The following MBD5 variants were observed in gnomAD, a reference collection of about 807,000 sequenced individuals.
MBD5 encodes the protein methyl-CpG-binding domain protein 5.
A neutral mutation model predicts 117.3 loss-of-function variants in MBD5; 13 were observed. The ratio of observed to expected loss-of-function variants is 0.11; its 90% CI spans 0.07 to 0.18. MBD5 has a LOEUF of 0.18. Among genes scored for constraint, MBD5 ranks in the 10% least tolerant of loss-of-function variants. The probability of loss-of-function intolerance (pLI) is 1.00; values close to 1 mark genes in which losing one functional copy is unlikely to be tolerated. For missense variants in MBD5, 1,879 were observed against 2,093.8 expected (o/e 0.90, Z 2.00); for synonymous variants, 727 against 766.4 (o/e 0.95, Z 0.85).
At chr2:148,386,413 A>G (rs1490271776) in intron 4 of MBD5, among the ~76,000 whole-genome samples, 1 of 152,208 alleles carries the variant, frequency 6.6e-6, no homozygotes, top group Non-Finnish European at 1.5e-5. Context: ...TAGACATTTA[A>G]AAGATAAGAA....
chr2:148,214,600 C>A (rs982571886), intron 2 of MBD5, among the ~76,000 whole-genome samples: 68 of 152,174 alleles, frequency 4.5e-4, no homozygotes, highest in African/African-American at 1.5e-3. Context: ...TGAGCTTATG[C>A]CTGATAACCA....
rs1283870065 is a variant in MBD5, at chr2:148,468,979, C to A, written c.1036C>A (p.Leu346Ile). 6.2e-7 allele frequency: 1 copy of A among 1,613,710 alleles called. No homozygotes were observed. Among genetic ancestry groups the A allele is most frequent in the Admixed American group, 1.7e-5 (1 of 59,966 alleles). The change falls in exon 8 of 14, where the codon CTT (leucine) becomes ATT (isoleucine). Residue 346 changes from leucine to isoleucine, a missense_variant. Leu to Ile is a conservative substitution (Grantham distance 5). Transcript: ENST00000642680. ...TCCCCCTCCTCCACCTTCTTGTGCT[C>A]TTCAGAAAAAGCCATTAACATCTGA... Reference protein sequence around the residue: ...PPPPPPPSCALQKKPLTSEKD... With the variant: ...PPPPPPPSCAIQKKPLTSEKD...
chr2:148,151,665 C>T, intron 1 of MBD5, among the ~76,000 whole-genome samples: 1 of 152,042 alleles, frequency 6.6e-6, no homozygotes, highest in Non-Finnish European at 1.5e-5. Context: ...CTGGTTTAGT[C>T]TTGGGAGAGT....
At chr2:148,188,204 G>C (rs1020506289) in intron 2 of MBD5, among the ~76,000 whole-genome samples, 1 of 152,140 alleles carries the variant, frequency 6.6e-6, no homozygotes, top group African/African-American at 2.4e-5. Context: ...TTCAAAATTT[G>C]AATGAATTCT....
Position 148,060,378 on chromosome 2 carries a change from TAAAA to T in MBD5, c.-925+38702_-925+38705del, listed in dbSNP as rs1214506628. 4.8e-5 allele frequency among the ~76,000 whole-genome samples: 7 copies of T among 145,196 alleles called. No individual in the cohort carries two copies. In the East Asian group the frequency reaches 1.2e-3, roughly 25 times the overall value. ...ATATATCTTTTAATTGTATGTTTTGTAAAAAAAAAAAGAACAAATTTTATCATAC... is the reference window on the plus strand; with the variant it reads ...ATATATCTTTTAATTGTATGTTTTGTAAAAAAAGAACAAATTTTATCATAC... On this transcript the variant is annotated intron_variant, in intron 1 of 13. Coordinates refer to ENST00000642680, the MANE Select transcript of MBD5 (RefSeq NM_001378120.1).
chr2:148,064,450 A>G (rs1695129830), intron 1 of MBD5, among the ~76,000 whole-genome samples: 1 of 152,104 alleles, frequency 6.6e-6, no homozygotes. Flanking sequence ...CACTACACAA[A>G]GATTCTTTCC....
In MBD5 at chr2:148,197,794, G is replaced by GTTT. The variant is rs56029734; in HGVS notation, c.-831+19010_-831+19012dup. 2.8e-3 allele frequency among the ~76,000 whole-genome samples: 292 copies of GTTT among 102,534 alleles called. 3 individuals are homozygous for GTTT. In the South Asian group the frequency reaches 0.036, roughly 13 times the overall value. The allele number at this position is 102,534 out of a possible 152,430, so 67.3% of individuals were successfully genotyped here. A position where few individuals can be genotyped will look rare whatever the true frequency, so the allele number is the denominator to read the frequency against. Reference sequence around the variant, plus strand: ...GAATTACTGTGTCATAGCATCTGAGGTTTTTTTTTTTGTTTTTTTTTTTGT... The same window carrying GTTT: ...GAATTACTGTGTCATAGCATCTGAGGTTTTTTTTTTTTTTGTTTTTTTTTTTGT... On this transcript the variant is annotated intron_variant, in intron 2 of 13. Transcript: ENST00000642680.
At chr2:148,346,943 C>T (rs748238955) in intron 4 of MBD5, 1 of 151,632 alleles carries the variant, frequency 6.6e-6, no homozygotes, top group Non-Finnish European at 1.5e-5. Context: ...ATAAAATGAA[C>T]CCCAATGTAC....
intron 3 of MBD5, among the ~76,000 whole-genome samples, chr2:148,285,429 A>G (rs1701347618): frequency 6.6e-6 from 1 of 152,234 alleles, no homozygotes; most frequent in Admixed American, 6.5e-5. Flanking sequence ...ATACTAAAAG[A>G]AAGAATGATA....
intron 4 of MBD5, among the ~76,000 whole-genome samples, chr2:148,411,762 AG>A (rs1345394869): frequency 1.3e-5 from 2 of 152,016 alleles, no homozygotes; most frequent in African/African-American, 4.8e-5. Flanking sequence ...TCAGATGAAT[AG>A]TTTGCAAATA....
intron 4 of MBD5, among the ~76,000 whole-genome samples, chr2:148,397,807 C>G (rs1704775926): frequency 6.8e-6 from 1 of 147,112 alleles, no homozygotes; most frequent in East Asian, 2.2e-4. Context: ...CCCCTCTCCC[C>G]CTACCCCACA....
chr2:148,370,669 A>T (rs966974699), intron 4 of MBD5, among the ~76,000 whole-genome samples: 1 of 151,988 alleles, frequency 6.6e-6, no homozygotes, highest in Non-Finnish European at 1.5e-5. Context: ...ATGTATTTTT[A>T]GTAGAGACAG....
chr2:148,126,239 T>TAC (rs1195166529), intron 1 of MBD5, among the ~76,000 whole-genome samples: 3 of 147,466 alleles, frequency 2.0e-5, no homozygotes, highest in African/African-American at 2.5e-5. Flanking sequence ...CTACTAAAAA[T>TAC]AAAAAAAAAA....
chr2:148,215,683 G>A (rs1699535038), intron 2 of MBD5, among the ~76,000 whole-genome samples: 4 of 133,612 alleles, frequency 3.0e-5, no homozygotes, highest in East Asian at 4.7e-4. Context: ...CACCATGCCC[G>A]GCTAATTTTT....
intron 2 of MBD5, among the ~76,000 whole-genome samples, chr2:148,194,923 T>G (rs1387184153): frequency 6.6e-6 from 1 of 152,174 alleles, no homozygotes; most frequent in African/African-American, 2.4e-5. Context: ...TTCATCAGAC[T>G]GATAAAAACC....
At chr2:148,416,904 A>G (rs1314536270) in intron 4 of MBD5, among the ~76,000 whole-genome samples, 1 of 152,170 alleles carries the variant, frequency 6.6e-6, no homozygotes, top group Non-Finnish European at 1.5e-5. Context: ...CATCACTTAG[A>G]ATAATCACCT....
chr2:148,509,622 C>T (rs1682153663), intron 12 of MBD5, among the ~76,000 whole-genome samples: 1 of 152,204 alleles, frequency 6.6e-6, no homozygotes, highest in Non-Finnish European at 1.5e-5. Flanking sequence ...ACAGAGGGAG[C>T]TCCCTAGTGG....
chr2:148,223,135 A>T (rs955370020), intron 2 of MBD5, among the ~76,000 whole-genome samples: 1 of 152,084 alleles, frequency 6.6e-6, no homozygotes, highest in African/African-American at 2.4e-5. Context: ...CATGATGAAT[A>T]ATCTTTCTAA....
At chr2:148,457,214 T>C (rs1412980200) in intron 4 of MBD5, among the ~76,000 whole-genome samples, 1 of 152,166 alleles carries the variant, frequency 6.6e-6, no homozygotes, top group Non-Finnish European at 1.5e-5. Flanking sequence ...AAATATAGTA[T>C]TTTTTGAATC....
Sources: allele counts gnomAD v4.1 joint callset (sites outside exome capture counted in the v4.1 genomes callset), GRCh38; gene constraint gnomAD v4.1.1; transcripts MANE v1.5; gene names NCBI Gene and HGNC (gene_info 2026-07-23, HGNC 2026-07-21).